The following RASAL2 variants were observed in gnomAD, a reference collection of about 807,000 sequenced individuals.
RASAL2 encodes ras GTPase-activating protein nGAP.
A neutral mutation model predicts 128.9 loss-of-function variants in RASAL2; 58 were observed. The ratio of observed to expected loss-of-function variants is 0.45; its 90% CI spans 0.36 to 0.56. The LOEUF is 0.56. Ranked by LOEUF, RASAL2 falls within the 20% of genes least tolerant of loss-of-function variation. The pLI, the probability that RASAL2 is intolerant of heterozygous loss-of-function variation, is 0.00. For synonymous variants in RASAL2, 561 were observed against 580.8 expected (o/e 0.97, Z 0.49); for missense variants, 1,360 against 1,601.6 (o/e 0.85, Z 2.57).
chr1:178,157,109 A>G lies in RASAL2; in HGVS notation c.202+62415A>G, dbSNP rs74128866. Among the ~76,000 whole-genome samples the G allele has an allele frequency of 5.5e-3, 842 of 152,262 alleles. 11 individuals are homozygous for G. Among genetic ancestry groups the G allele is most frequent in the African/African-American group, 0.019 (789 of 41,556 alleles). On this transcript the variant is annotated intron_variant, in intron 1 of 17. Transcript: ENST00000367649. ...CATAAAAATAATGTTTTAAAACATTATATATTGACTTCCTGAACTCTCTTC... is the reference window on the plus strand; with the variant it reads ...CATAAAAATAATGTTTTAAAACATTGTATATTGACTTCCTGAACTCTCTTC...
In RASAL2 at chr1:178,452,443, G is replaced by A; in HGVS notation, c.1800G>A (p.Val600=). The change falls in exon 11 of 18, where the codon GTG becomes GTA. Residue 600 remains valine, a synonymous_variant. Transcript: ENST00000367649. Reference sequence around the variant, plus strand: ...TTTTCCCTCGTGAGTTGAAAGAAGTGTTTGCATCATGGAAGCAGCAGTGCC... The same window carrying A: ...TTTTCCCTCGTGAGTTGAAAGAAGTATTTGCATCATGGAAGCAGCAGTGCC... ...YCVFPRELKE[V]FASWKQQCLN... 6.2e-7 allele frequency: 1 copy of A among 1,614,054 alleles called. No individual in the cohort carries two copies. Among genetic ancestry groups the A allele is most frequent in the South Asian group, 1.1e-5 (1 of 91,086 alleles).
At chr1:178,126,924 G>GT (rs1469993067) in intron 1 of RASAL2, among the ~76,000 whole-genome samples, 1 of 152,200 alleles carries the variant, frequency 6.6e-6, no homozygotes, top group East Asian at 1.9e-4. Flanking sequence ...TCAGTCAGTG[G>GT]TTTGAGGCTT....
intron 1 of RASAL2, among the ~76,000 whole-genome samples, chr1:178,171,569 T>C (rs2101911922): frequency 6.6e-6 from 1 of 152,100 alleles, no homozygotes; most frequent in South Asian, 2.1e-4. Flanking sequence ...CACAGGTTGG[T>C]GTGGATTATA....
rs185338975 is a variant in RASAL2 at position 178,236,856 on chromosome 1, C to T, written c.203-46708C>T. ...TCGGCTCACTGCAACCTCCGCCTCCCGGGTTCAAGTGGTTCTCCTGCCTCA... is the reference window on the plus strand; with the variant it reads ...TCGGCTCACTGCAACCTCCGCCTCCTGGGTTCAAGTGGTTCTCCTGCCTCA... On this transcript the variant is annotated intron_variant, in intron 1 of 17. Coordinates refer to ENST00000367649, the MANE Select transcript of RASAL2 (RefSeq NM_170692.4). 3.4e-3 allele frequency among the ~76,000 whole-genome samples: 511 copies of T among 150,956 alleles called. 3 individuals are homozygous for T. Among genetic ancestry groups the T allele is most frequent in the African/African-American group, 0.011 (462 of 40,976 alleles).
At chr1:178,173,330 G>C (rs1326844305) in intron 1 of RASAL2, among the ~76,000 whole-genome samples, 2 of 152,032 alleles carry the variant, frequency 1.3e-5, no homozygotes, top group Non-Finnish European at 2.9e-5. Context: ...TCTGTTCTTG[G>C]TATTCATGTT....
At chr1:178,186,364 G>T (rs572401768) in intron 1 of RASAL2, among the ~76,000 whole-genome samples, 5 of 151,014 alleles carry the variant, frequency 3.3e-5, no homozygotes, top group African/African-American at 1.2e-4. Context: ...TTGATTCTCC[G>T]TTTTCATTTC....
In RASAL2 at chr1:178,243,602, C is replaced by CAAAAAA. The variant is rs3041601; in HGVS notation, c.203-39950_203-39945dup. 3.3e-4 allele frequency among the ~76,000 whole-genome samples: 40 copies of CAAAAAA among 121,890 alleles called. No individual in the cohort carries two copies. In the South Asian group the frequency reaches 4.4e-3, roughly 13 times the overall value. 80.0% of individuals were successfully genotyped at this position (121,890 alleles called of 152,430 possible). On this transcript the variant is annotated intron_variant, in intron 1 of 17. Coordinates refer to ENST00000367649, the MANE Select transcript of RASAL2 (RefSeq NM_170692.4). The stretch of plus-strand genomic sequence containing the variant: ...TGATGCTAGGCTTGCTTGTTGTTAT[C>CAAAAAA]AAAAAAAAAAAAAAAAATGACAACA...
chr1:178,252,057 A>T (rs1265353375), intron 1 of RASAL2, among the ~76,000 whole-genome samples: 4 of 152,136 alleles, frequency 2.6e-5, no homozygotes, highest in African/African-American at 7.2e-5. Context: ...TAAGAGAATA[A>T]AGTGCTTGAA....
At chr1:178,394,405 G>T (rs1673090683) in intron 4 of RASAL2, among the ~76,000 whole-genome samples, 1 of 152,164 alleles carries the variant, frequency 6.6e-6, no homozygotes, top group South Asian at 2.1e-4. Context: ...AAGAGAAAAT[G>T]ATTATGTCTT....
chr1:178,165,458 A>G (rs541867296), intron 1 of RASAL2, among the ~76,000 whole-genome samples: 1 of 152,180 alleles, frequency 6.6e-6, no homozygotes, highest in African/African-American at 2.4e-5. Context: ...ATACAAGAGG[A>G]TGTGCATAGG....
chr1:178,393,169 A>C (rs1673012824), intron 4 of RASAL2, among the ~76,000 whole-genome samples: 1 of 152,190 alleles, frequency 6.6e-6, no homozygotes, highest in Non-Finnish European at 1.5e-5. Flanking sequence ...TCCACGGACC[A>C]GGGTTGGGTT....
chr1:178,251,388 C>T (rs898869183), intron 1 of RASAL2, among the ~76,000 whole-genome samples: 7 of 152,130 alleles, frequency 4.6e-5, no homozygotes, highest in Admixed American at 6.6e-5. Flanking sequence ...TTGATGCTTC[C>T]GTTAGAACAC....
chr1:178,452,725 G>C, intron 11 of RASAL2, 73 bp downstream of exon 11: 21 of 1,232,020 alleles, frequency 1.7e-5, no homozygotes, highest in Non-Finnish European at 2.3e-5. Flanking sequence ...TTGGATGAGG[G>C]TTGGGAGCCT....
chr1:178,448,756 T>C (rs560689307), intron 9 of RASAL2, among the ~76,000 whole-genome samples: 1 of 152,196 alleles, frequency 6.6e-6, no homozygotes, highest in Admixed American at 6.5e-5. Flanking sequence ...TTATTCATAT[T>C]TGAAATTCAG....
chr1:178,356,351 T>C (rs1226773264), intron 3 of RASAL2, among the ~76,000 whole-genome samples: 2 of 152,010 alleles, frequency 1.3e-5, no homozygotes, highest in East Asian at 1.9e-4. Flanking sequence ...TCTAATAAAA[T>C]TGAAAGTAAT....
chr1:178,386,991 C>T (rs1672613114), intron 3 of RASAL2, among the ~76,000 whole-genome samples: 1 of 152,194 alleles, frequency 6.6e-6, no homozygotes, highest in Non-Finnish European at 1.5e-5. Context: ...GTGACTAATC[C>T]AGCAGGTTGC....
At chr1:178,421,943 A>G (rs1448260070) in intron 5 of RASAL2, among the ~76,000 whole-genome samples, 5 of 152,058 alleles carry the variant, frequency 3.3e-5, no homozygotes, top group Admixed American at 3.3e-4. Flanking sequence ...CTGTTATTCT[A>G]TAATTTTCAT....
intron 8 of RASAL2, among the ~76,000 whole-genome samples, chr1:178,443,987 A>G (rs1273449503): frequency 1.3e-5 from 2 of 152,128 alleles, no homozygotes; most frequent in South Asian, 2.1e-4. Context: ...TACTATTACT[A>G]TTTCTTGATA....
chr1:178,342,847 T>C (rs180917974), intron 3 of RASAL2, among the ~76,000 whole-genome samples: 1 of 152,326 alleles, frequency 6.6e-6, no homozygotes, highest in East Asian at 1.9e-4. Context: ...TTCTCCCTGC[T>C]TATAAGGATC....
Sources: allele counts gnomAD v4.1 joint callset (sites outside exome capture counted in the v4.1 genomes callset), GRCh38; gene constraint gnomAD v4.1.1; transcripts MANE v1.5; gene names NCBI Gene and HGNC (gene_info 2026-07-23, HGNC 2026-07-21).